NKAIN2: variants seen among roughly 807,000 people sequenced by gnomAD.
NKAIN2 encodes sodium/potassium transporting ATPase interacting 2.
Under a neutral mutation model 32.6 loss-of-function variants are expected in NKAIN2, and 14 were observed. The observed-to-expected ratio is 0.43, with a 90% CI of 0.28 to 0.67. The LOEUF (loss-of-function observed/expected upper bound fraction) is 0.67. Ranked by LOEUF, NKAIN2 falls within the 30% of genes least tolerant of loss-of-function variation. The pLI is 0.17. For synonymous variants in NKAIN2, 80 were observed against 87.2 expected, an observed-to-expected ratio of 0.92 and a Z score of 0.46; for missense variants, 198 against 258.3, an observed-to-expected ratio of 0.77 and a Z score of 1.60.
intron 1 of NKAIN2, among the ~76,000 whole-genome samples, chr6:124,150,434 T>C (rs1424456714): frequency 1.3e-5 from 2 of 152,170 alleles, no homozygotes; most frequent in Non-Finnish European, 2.9e-5. Flanking sequence ...TGTATTATTT[T>C]ATAAATATTT....
intron 1 of NKAIN2, among the ~76,000 whole-genome samples, chr6:124,006,388 C>A (rs1242273518): frequency 6.6e-6 from 1 of 152,118 alleles, no homozygotes; most frequent in Non-Finnish European, 1.5e-5. Context: ...ATTGGAATTT[C>A]ATTTTATAAG....
intron 2 of NKAIN2, among the ~76,000 whole-genome samples, chr6:124,352,439 A>T (rs1284227157): frequency 6.6e-6 from 1 of 152,240 alleles, no homozygotes; most frequent in Admixed American, 6.5e-5. Flanking sequence ...CATGGTTAGC[A>T]TTTAATAAGC....
intron 4 of NKAIN2, among the ~76,000 whole-genome samples, chr6:124,661,674 T>A (rs1784750345): frequency 6.6e-6 from 1 of 152,118 alleles, no homozygotes; most frequent in South Asian, 2.1e-4. Context: ...ATGAGCCAGG[T>A]GTGATATTTC....
chr6:124,047,443 T>G (rs1273115427), intron 1 of NKAIN2, among the ~76,000 whole-genome samples: 1 of 149,714 alleles, frequency 6.7e-6, no homozygotes, highest in Non-Finnish European at 1.5e-5. Flanking sequence ...TTTCTCTCTC[T>G]CTCTCTATAT....
chr6:124,787,187 T>A (rs1779544254), intron 4 of NKAIN2, among the ~76,000 whole-genome samples: 1 of 152,146 alleles, frequency 6.6e-6, no homozygotes, highest in South Asian at 2.1e-4. Context: ...CCATTAGTTG[T>A]TTTTCCTGAT....
chr6:124,122,784 G>A (rs2114991499), intron 1 of NKAIN2, among the ~76,000 whole-genome samples: 1 of 152,100 alleles, frequency 6.6e-6, no homozygotes, highest in South Asian at 2.1e-4. Flanking sequence ...TTTGCCCCTG[G>A]TTGAAGAAGT....
intron 1 of NKAIN2, among the ~76,000 whole-genome samples, chr6:124,172,008 T>C (rs973434879): frequency 6.6e-6 from 1 of 151,526 alleles, no homozygotes; most frequent in Non-Finnish European, 1.5e-5. Context: ...GAGACGGGGT[T>C]TCACCGTGTT....
At chr6:124,042,903 A>C (rs569172226) in intron 1 of NKAIN2, among the ~76,000 whole-genome samples, 1 of 152,244 alleles carries the variant, frequency 6.6e-6, no homozygotes, top group African/African-American at 2.4e-5. Context: ...ATTAGGATGA[A>C]TGTTAGGACA....
chr6:124,716,596 C>G (rs933302364), intron 4 of NKAIN2, among the ~76,000 whole-genome samples: 1 of 152,152 alleles, frequency 6.6e-6, no homozygotes, highest in South Asian at 2.1e-4. Flanking sequence ...GCAAATTCAG[C>G]ACACTATATA....
chr6:123,807,566 G>A (rs1034858722), intron 1 of NKAIN2, among the ~76,000 whole-genome samples: 4 of 152,054 alleles, frequency 2.6e-5, no homozygotes, highest in Middle Eastern at 3.4e-3. Flanking sequence ...GAAAGTTTTG[G>A]CATGTTTTCC....
At chr6:124,371,628 A>C (rs182743035) in intron 3 of NKAIN2, among the ~76,000 whole-genome samples, 1 of 146,048 alleles carries the variant, frequency 6.8e-6, no homozygotes, top group Non-Finnish European at 1.5e-5. Context: ...TGGGAGGCAA[A>C]GGTTGCAGTG....
intron 2 of NKAIN2, among the ~76,000 whole-genome samples, chr6:124,285,283 T>G (rs1795486360): frequency 6.6e-6 from 1 of 152,170 alleles, no homozygotes; most frequent in Non-Finnish European, 1.5e-5. Flanking sequence ...CTCTAAATTC[T>G]GCTTGAAAAT....
chr6:124,370,283 C>T (rs935229417), intron 3 of NKAIN2, among the ~76,000 whole-genome samples: 5 of 151,586 alleles, frequency 3.3e-5, no homozygotes, highest in African/African-American at 4.9e-5. Flanking sequence ...TAAGTTTCAG[C>T]GTAGCACTTA....
Position 124,088,915 on chromosome 6 carries a change from A to C in NKAIN2, c.55-194090A>C, listed in dbSNP as rs115002353. 4.1e-3 allele frequency among the ~76,000 whole-genome samples: 628 copies of C among 152,142 alleles called. 6 individuals carry two copies. The highest frequency in any genetic ancestry group is 0.015 in the African/African-American group (607 of 41,536). ...TTTATATGTTGGCATAGAAAACTAT[A>C]TTTTCACATGACTTATCTTAGCACA... On this transcript the variant is annotated intron_variant, in intron 1 of 6. Transcript: ENST00000368417.
In NKAIN2 at chr6:124,676,053, T is replaced by A. The variant is rs555923439; in HGVS notation, c.474+17667T>A. 4.9e-4 allele frequency among the ~76,000 whole-genome samples: 75 copies of A among 152,326 alleles called. 1 individual carries two copies. The South Asian group carries it at 0.014, about 29-fold the overall frequency. On this transcript the variant is annotated intron_variant, in intron 4 of 6. Transcript: ENST00000368417. ...TATTTTTGTTTCTCAAAACATTTTATAATTTCCCTTTTGATTTTTCCTTTG... is the reference window on the plus strand; with the variant it reads ...TATTTTTGTTTCTCAAAACATTTTAAAATTTCCCTTTTGATTTTTCCTTTG...
chr6:124,311,520 G>A (rs1796716547), intron 2 of NKAIN2, among the ~76,000 whole-genome samples: 1 of 152,086 alleles, frequency 6.6e-6, no homozygotes, highest in Middle Eastern at 3.4e-3. Flanking sequence ...TGCTTTTCAC[G>A]TTTTAAAAAT....
intron 1 of NKAIN2, among the ~76,000 whole-genome samples, chr6:124,012,975 C>G (rs1037716831): frequency 6.6e-6 from 1 of 152,054 alleles, no homozygotes; most frequent in Non-Finnish European, 1.5e-5. Flanking sequence ...TCCAAATATC[C>G]TACCTCCCCG....
At chr6:124,241,307 G>A (rs934666347) in intron 1 of NKAIN2, among the ~76,000 whole-genome samples, 59 of 152,080 alleles carry the variant, frequency 3.9e-4, no homozygotes, top group African/African-American at 1.4e-3. Flanking sequence ...CGTGAAAATG[G>A]CCATACTGTC....
intron 1 of NKAIN2, among the ~76,000 whole-genome samples, chr6:124,017,891 G>A (rs1213137159): frequency 2.0e-5 from 3 of 152,100 alleles, no homozygotes; most frequent in Non-Finnish European, 4.4e-5. Context: ...GAGGACAGTG[G>A]CCCTCTTCTC....
Sources: allele counts gnomAD v4.1 joint callset (sites outside exome capture counted in the v4.1 genomes callset), GRCh38; gene constraint gnomAD v4.1.1; transcripts MANE v1.5; gene names NCBI Gene and HGNC (gene_info 2026-07-23, HGNC 2026-07-21).